Variants in GPC5 observed in about 807,000 individuals in gnomAD.
GPC5 encodes the protein glypican 5, also known as glypican-5.
A neutral mutation model predicts 53.9 loss-of-function variants in GPC5; 47 were observed. The ratio of observed to expected loss-of-function variants is 0.87; its 90% confidence interval spans 0.69 to 1.11. The LOEUF is 1.11. Ranked by LOEUF, GPC5 falls within the 50% of genes most tolerant of loss-of-function variation. The pLI, the probability that GPC5 is intolerant of heterozygous loss-of-function variation, is 0.00. For synonymous variants in GPC5, 286 were observed against 263.3 expected, an observed-to-expected ratio of 1.09 and a Z score of -0.84; for missense variants, 748 against 713.1, an observed-to-expected ratio of 1.05 and a Z score of -0.56.
intron 7 of GPC5, among the ~76,000 whole-genome samples, chr13:92,770,639 T>G (rs888015301): frequency 2.6e-5 from 4 of 152,182 alleles, no homozygotes; most frequent in African/African-American, 4.8e-5. Flanking sequence ...TGCTGTAAAA[T>G]CTTTGCTCTA....
At chr13:92,215,266 T>A (rs1271735202) in intron 7 of GPC5, among the ~76,000 whole-genome samples, 8 of 152,224 alleles carry the variant, frequency 5.3e-5, no homozygotes. Flanking sequence ...TCCAACAAGG[T>A]ATTTTTCCTA....
chr13:92,571,009 C>T (rs150975735), intron 7 of GPC5, among the ~76,000 whole-genome samples: 81 of 152,254 alleles, frequency 5.3e-4, no homozygotes, highest in African/African-American at 1.8e-3. Flanking sequence ...AGACCCTTCT[C>T]ACCAAGACTT....
At chr13:92,693,778 A>G (rs939487887) in intron 7 of GPC5, among the ~76,000 whole-genome samples, 2 of 152,188 alleles carry the variant, frequency 1.3e-5, no homozygotes, top group Admixed American at 6.5e-5. Context: ...TTTTCTGGGG[A>G]GAAATTCAAT....
rs79242635 is a variant in GPC5 at position 92,209,575 on chromosome 13, C to A, written c.1561+64586C>A. On this transcript the variant is annotated intron_variant, in intron 7 of 7. Transcript: ENST00000377067. ...CTAATGACTGCTGTTAATAAGCTTG[C>A]CCCTGAATCTGTGAGTTGTTTAATC... Among the ~76,000 whole-genome samples the A allele has an allele frequency of 8.7e-3, 1,322 of 152,172 alleles. 24 individuals are homozygous for A. Among genetic ancestry groups the A allele is most frequent in the African/African-American group, 0.03 (1,237 of 41,508 alleles).
chr13:91,879,804 A>G (rs574759514), intron 5 of GPC5, among the ~76,000 whole-genome samples: 40 of 152,292 alleles, frequency 2.6e-4, no homozygotes, highest in African/African-American at 7.2e-4. Context: ...ATATTAATAT[A>G]TATTTCCTGG....
intron 7 of GPC5, among the ~76,000 whole-genome samples, chr13:92,544,756 T>A (rs1227183461): frequency 6.6e-6 from 1 of 152,072 alleles, no homozygotes; most frequent in East Asian, 1.9e-4. Flanking sequence ...CTACACTAAA[T>A]ATGTGAGCTG....
At chr13:92,802,630 C>T (rs1594517636) in intron 7 of GPC5, among the ~76,000 whole-genome samples, 1 of 151,748 alleles carries the variant, frequency 6.6e-6, no homozygotes, top group East Asian at 2.0e-4. Flanking sequence ...TGATGGTTTC[C>T]AGCTTCATCC....
At chr13:91,650,755 T>TGTTTTTTTTTTTTTTTTTTTG (rs1350950174) in intron 2 of GPC5, among the ~76,000 whole-genome samples, 1 of 140,754 alleles carries the variant, frequency 7.1e-6, no homozygotes, top group East Asian at 2.0e-4. Context: ...CATAAGTTTT[T>TGTTTTTTTTTTTTTTTTTTTG]TTTTTTTTTT....
At chr13:92,766,882 G>T (rs768052189) in intron 7 of GPC5, among the ~76,000 whole-genome samples, 23 of 152,148 alleles carry the variant, frequency 1.5e-4, no homozygotes, top group Non-Finnish European at 3.4e-4. Flanking sequence ...CATTGCTTGG[G>T]TTCTATTTTC....
Position 92,144,944 on chromosome 13 carries a change from G to T in GPC5, c.1516G>T (p.Gly506Ter). Residue 506 changes from glycine (G) to a stop codon, truncating the protein, a stop_gained, in exon 7 of 8, where the codon GGA becomes TGA. Transcript: ENST00000377067. LOFTEE classifies it low-confidence loss of function (END_TRUNC). ...CTGTGATGATGAAGATGGTTGCGGG[G>T]GATCAGGAAGTGGAGAAGTCAAGAG... is the stretch of plus-strand genomic sequence containing the variant. ...GDCDDEDGCG[G>*]SGSGEVKRTL... is the part of the protein sequence containing the mutation. The T allele has an allele frequency of 1.9e-6, 3 of 1,577,406 alleles. No individual in the cohort carries two copies. The highest frequency in any genetic ancestry group is 2.6e-6 in the Non-Finnish European group (3 of 1,165,026).
chr13:92,162,860 C>T (rs1456799234), intron 7 of GPC5, among the ~76,000 whole-genome samples: 2 of 152,078 alleles, frequency 1.3e-5, no homozygotes, highest in East Asian at 3.9e-4. Flanking sequence ...TGAACTTGGT[C>T]ACTCCCTCAC....
At chr13:91,650,875 A>T (rs2034691896) in intron 2 of GPC5, among the ~76,000 whole-genome samples, 1 of 151,462 alleles carries the variant, frequency 6.6e-6, no homozygotes, top group Non-Finnish European at 1.5e-5. Context: ...AAGAGCTTTC[A>T]CTTAAGTTGG....
chr13:91,462,781 G>C (rs927136358), intron 2 of GPC5, among the ~76,000 whole-genome samples: 1 of 152,022 alleles, frequency 6.6e-6, no homozygotes, highest in Non-Finnish European at 1.5e-5. Context: ...TTTCTGATGT[G>C]CTTACATACT....
intron 7 of GPC5, among the ~76,000 whole-genome samples, chr13:92,313,370 A>G (rs1431276491): frequency 6.6e-6 from 1 of 152,216 alleles, no homozygotes; most frequent in Non-Finnish European, 1.5e-5. Context: ...TCTATCCAGT[A>G]TCATTTATAC....
chr13:92,603,132 A>G (rs181321465), intron 7 of GPC5, among the ~76,000 whole-genome samples: 1 of 152,336 alleles, frequency 6.6e-6, no homozygotes, highest in East Asian at 1.9e-4. Flanking sequence ...CTGTTTGTTT[A>G]AACTATCTTG....
chr13:92,326,232 T>C (rs1253618344), intron 7 of GPC5, among the ~76,000 whole-genome samples: 3 of 152,124 alleles, frequency 2.0e-5, no homozygotes, highest in Non-Finnish European at 4.4e-5. Context: ...GTAATTCTAC[T>C]TGCCGGTAAG....
At chr13:91,571,177 G>A (rs998999755) in intron 2 of GPC5, among the ~76,000 whole-genome samples, 2 of 152,106 alleles carry the variant, frequency 1.3e-5, no homozygotes, top group Non-Finnish European at 1.5e-5. Flanking sequence ...TACCTCCAGA[G>A]TCAATATCAA....
chr13:92,056,171 G>A (rs1488427279), intron 6 of GPC5, among the ~76,000 whole-genome samples: 1 of 152,134 alleles, frequency 6.6e-6, no homozygotes, highest in Non-Finnish European at 1.5e-5. Flanking sequence ...TCTTCCTTCT[G>A]TAGGCTCCAG....
chr13:91,948,998 G>A (rs1008498614), intron 6 of GPC5, among the ~76,000 whole-genome samples: 8 of 152,018 alleles, frequency 5.3e-5, no homozygotes, highest in African/African-American at 1.9e-4. Context: ...TGCACCAGAT[G>A]GTACTTAGCT....
Sources: allele counts gnomAD v4.1 joint callset (sites outside exome capture counted in the v4.1 genomes callset), GRCh38; gene constraint gnomAD v4.1.1; transcripts MANE v1.5; gene names NCBI Gene and HGNC (gene_info 2026-07-23, HGNC 2026-07-21).